Variants in SGCZ observed in about 807,000 individuals in gnomAD.
SGCZ encodes the protein sarcoglycan zeta.
SGCZ carries 40 observed loss-of-function variants against 41.3 expected under a neutral mutation model. The ratio of observed to expected loss-of-function variants is 0.97; its 90% CI spans 0.75 to 1.26. SGCZ has a LOEUF of 1.26. SGCZ is among the 50% of genes most tolerant of loss of function. The pLI is 0.00. For missense variants in SGCZ, 552 were observed against 369.8 expected, an observed-to-expected ratio of 1.49 and a Z score of -4.04; for synonymous variants, 206 against 137.5, an observed-to-expected ratio of 1.50 and a Z score of -3.49.
At chr8:14,421,214 G>A (rs1563318234) in intron 2 of SGCZ, among the ~76,000 whole-genome samples, 1 of 152,018 alleles carries the variant, frequency 6.6e-6, no homozygotes, top group Admixed American at 6.6e-5. Flanking sequence ...AAAAAGGTAA[G>A]GGGCTATTGA....
chr8:14,599,313 A>G (rs982999401), intron 1 of SGCZ, among the ~76,000 whole-genome samples: 2 of 152,216 alleles, frequency 1.3e-5, no homozygotes, highest in Non-Finnish European at 2.9e-5. Flanking sequence ...TATACATTTT[A>G]AAGTCCTTCG....
Position 14,478,666 on chromosome 8 carries a change from G to A in SGCZ, c.234+76066C>T, listed in dbSNP as rs374764974. 1.2e-3 allele frequency among the ~76,000 whole-genome samples: 184 copies of A among 152,178 alleles called. 1 individual carries two copies. The highest frequency in any genetic ancestry group is 4.2e-3 in the African/African-American group (173 of 41,498). On this transcript the variant is annotated intron_variant, in intron 2 of 7. Coordinates refer to ENST00000382080, the MANE Select transcript of SGCZ (RefSeq NM_139167.4). Reference sequence around the variant, plus strand: ...GAAATTTAAAATAGAGTAACTAAGAGGGAATCTGGTTGATTTGTTTCAGCT... The same window carrying A: ...GAAATTTAAAATAGAGTAACTAAGAAGGAATCTGGTTGATTTGTTTCAGCT...
intron 3 of SGCZ, among the ~76,000 whole-genome samples, chr8:14,243,336 C>T (rs1798958561): frequency 6.6e-6 from 1 of 152,172 alleles, no homozygotes; most frequent in Non-Finnish European, 1.5e-5. Context: ...ATTCAGTCAG[C>T]TGCGTCAGAA....
chr8:14,145,109 A>G (rs1036643492), intron 5 of SGCZ, among the ~76,000 whole-genome samples: 1 of 152,150 alleles, frequency 6.6e-6, no homozygotes, highest in African/African-American at 2.4e-5. Context: ...AATGGCTGAG[A>G]GATACAGAGG....
chr8:14,999,864 T>A (rs2130908571), intron 1 of SGCZ, among the ~76,000 whole-genome samples: 1 of 152,290 alleles, frequency 6.6e-6, no homozygotes, highest in South Asian at 2.1e-4. Flanking sequence ...AGGATGAGCA[T>A]CCTGTTTTAG....
chr8:15,012,185 G>A (rs1208207466), intron 1 of SGCZ, among the ~76,000 whole-genome samples: 1 of 151,910 alleles, frequency 6.6e-6, no homozygotes, highest in African/African-American at 2.4e-5. Context: ...TTTTATTGCT[G>A]GGCATGGTGG....
chr8:14,412,006 G>T (rs1352830979), intron 2 of SGCZ, among the ~76,000 whole-genome samples: 2 of 152,072 alleles, frequency 1.3e-5, no homozygotes, highest in Non-Finnish European at 1.5e-5. Context: ...TTAAATGCAA[G>T]GGCGTGCATC....
At chr8:15,039,284 T>C (rs1803988956) in intron 1 of SGCZ, among the ~76,000 whole-genome samples, 1 of 152,154 alleles carries the variant, frequency 6.6e-6, no homozygotes, top group Admixed American at 6.5e-5. Flanking sequence ...TGGAATACTA[T>C]CCACTCTTAA....
rs1025671676 is a variant in SGCZ, at chr8:14,511,502, G to T, written c.234+43230C>A. Among the ~76,000 whole-genome samples, 4 of 152,068 alleles carry T rather than the reference G, an allele frequency of 2.6e-5. 1 individual carries two copies. The highest frequency in any genetic ancestry group is 2.6e-4 in the Admixed American group (4 of 15,236). On this transcript the variant is annotated intron_variant, in intron 2 of 7. Coordinates refer to ENST00000382080, the MANE Select transcript of SGCZ (RefSeq NM_139167.4). ...GCAAATGTGGTACAATGCCAAAACT[G>T]CTTAAGAAGGTTGGCCAGTGAGAGA...
intron 1 of SGCZ, among the ~76,000 whole-genome samples, chr8:15,083,755 GTTGTTTTGTC>G (rs1805845693): frequency 6.6e-6 from 1 of 151,838 alleles, no homozygotes; most frequent in Non-Finnish European, 1.5e-5. Flanking sequence ...TTTTGTTGTT[GTTGTTTTGTC>G]TTGTTTTGTT....
intron 1 of SGCZ, among the ~76,000 whole-genome samples, chr8:14,948,512 A>G (rs1800529214): frequency 6.6e-6 from 1 of 151,954 alleles, no homozygotes; most frequent in African/African-American, 2.4e-5. Flanking sequence ...AGATCAAACT[A>G]TACTATTATT....
intron 1 of SGCZ, among the ~76,000 whole-genome samples, chr8:14,777,842 T>C (rs561400615): frequency 5.5e-4 from 83 of 150,520 alleles, no homozygotes; most frequent in African/African-American, 2.0e-3. Flanking sequence ...GAGTGAAGGA[T>C]ATACAGAAGT....
chr8:14,585,478 C>T (rs1805027229), intron 1 of SGCZ, among the ~76,000 whole-genome samples: 1 of 151,812 alleles, frequency 6.6e-6, no homozygotes. Flanking sequence ...ATTATGACTC[C>T]CATATTATGA....
At chr8:14,177,675 ATTT>A (rs1193141913) in intron 4 of SGCZ, among the ~76,000 whole-genome samples, 8,873 of 111,430 alleles carry the variant, frequency 0.08, 309 homozygotes, top group African/African-American at 0.14. Flanking sequence ...ACGCCCTGCT[ATTT>A]TTTTTTTTTT....
At chr8:15,081,800 G>A (rs1805757493) in intron 1 of SGCZ, among the ~76,000 whole-genome samples, 1 of 152,154 alleles carries the variant, frequency 6.6e-6, no homozygotes, top group African/African-American at 2.4e-5. Flanking sequence ...CAGGGTTACA[G>A]GTGTGCTATG....
At chr8:15,122,476 C>T (rs1180548094) in intron 1 of SGCZ, among the ~76,000 whole-genome samples, 2 of 152,066 alleles carry the variant, frequency 1.3e-5, no homozygotes, top group East Asian at 3.9e-4. Flanking sequence ...TTTTGTAGGT[C>T]ATCTTTCCAG....
At chr8:14,840,494 A>G (rs1184506683) in intron 1 of SGCZ, among the ~76,000 whole-genome samples, 1 of 152,136 alleles carries the variant, frequency 6.6e-6, no homozygotes, top group Admixed American at 6.5e-5. Context: ...ACAGTACTTC[A>G]TCAAATTCTA....
intron 1 of SGCZ, among the ~76,000 whole-genome samples, chr8:15,175,497 G>C (rs1366407722): frequency 2.0e-5 from 3 of 152,076 alleles, no homozygotes; most frequent in African/African-American, 7.2e-5. Flanking sequence ...AGAACACATA[G>C]ACACATAGAG....
intron 2 of SGCZ, among the ~76,000 whole-genome samples, chr8:14,472,315 G>C (rs1300409811): frequency 1.3e-5 from 2 of 152,016 alleles, no homozygotes; most frequent in East Asian, 3.9e-4. Context: ...TAAGAAAGCT[G>C]TTTGTTCATG....
Sources: allele counts gnomAD v4.1 joint callset (sites outside exome capture counted in the v4.1 genomes callset), GRCh38; gene constraint gnomAD v4.1.1; transcripts MANE v1.5; gene names NCBI Gene and HGNC (gene_info 2026-07-23, HGNC 2026-07-21).